Variants in SLC22A25 observed in about 807,000 individuals in gnomAD.
The protein encoded by SLC22A25 is solute carrier family 22 member 25.
In SLC22A25, 44 loss-of-function variants were observed where a neutral mutation model predicts 45.9. That is an observed-to-expected ratio of 0.96 (90% CI 0.75 to 1.23). The LOEUF (loss-of-function observed/expected upper bound fraction) is 1.23. Among genes scored for constraint, SLC22A25 ranks in the 50% most tolerant of loss-of-function variants. The pLI is 0.00. For synonymous variants in SLC22A25, 283 were observed against 238.6 expected (o/e 1.19, Z -1.72); for missense variants, 800 against 666.4 (o/e 1.20, Z -2.21).
intron 7 of SLC22A25, among the ~76,000 whole-genome samples, chr11:63,184,337 G>A (rs1169629864): frequency 6.6e-6 from 1 of 152,056 alleles, no homozygotes; most frequent in African/African-American, 2.4e-5. Context: ...ATGTTATCAT[G>A]TATGATTGTT....
intron 7 of SLC22A25, 114 bp downstream of exon 7, chr11:63,217,200 T>G: frequency 2.5e-6 from 3 of 1,203,902 alleles, no homozygotes; most frequent in Non-Finnish European, 1.1e-6. Context: ...TTAGCACAGA[T>G]TAGGAGAATG....
At position 63,158,760 on chromosome 11, in the gene SLC22A25, A is replaced by G. The variant is rs954010827; in HGVS notation, c.*5064T>C. On this transcript the variant is annotated 3_prime_UTR_variant, in exon 12 of 12. Coordinates refer to ENST00000306494, the MANE Select transcript of SLC22A25 (RefSeq NM_199352.6). Reference sequence around the variant, plus strand: ...ATTCTTTGTGATTACAAACAATCCAATTATACTTTTTTAGTTATTTAAAAA... The same window carrying G: ...ATTCTTTGTGATTACAAACAATCCAGTTATACTTTTTTAGTTATTTAAAAA... Among the ~76,000 whole-genome samples the G allele has an allele frequency of 2.0e-5, 3 of 152,306 alleles. No homozygotes were observed. Among genetic ancestry groups the G allele is most frequent in the East Asian group, 1.9e-4 (1 of 5,190 alleles).
At chr11:63,183,598 G>C in intron 8 of SLC22A25, 96 bp downstream of exon 8, 3 of 1,520,174 alleles carry the variant, frequency 2.0e-6, no homozygotes, top group Non-Finnish European at 2.7e-6. Context: ...AACTCTACCT[G>C]TGTTTCTCTC....
chr11:63,187,375 T>A (rs2088600757), intron 7 of SLC22A25, among the ~76,000 whole-genome samples: 1 of 152,200 alleles, frequency 6.6e-6, no homozygotes, highest in African/African-American at 2.4e-5. Flanking sequence ...AGAATGCTTG[T>A]GATTTTTGTG....
At chr11:63,188,500 C>T (rs1221805804) in intron 7 of SLC22A25, among the ~76,000 whole-genome samples, 1 of 152,178 alleles carries the variant, frequency 6.6e-6, no homozygotes, top group Non-Finnish European at 1.5e-5. Flanking sequence ...AAACCAGCTC[C>T]TGGATTCATT....
rs189098417 is a variant in SLC22A25, at chr11:63,230,894, T to C, written c.-444-798A>G. ...CAATTCCCACCTATGAGTGAGAACATGCGGTGTTTGGTTTTTTGTCCTTGA... is the reference window on the plus strand; with the variant it reads ...CAATTCCCACCTATGAGTGAGAACACGCGGTGTTTGGTTTTTTGTCCTTGA... On this transcript the variant is annotated intron_variant, in intron 3 of 11. Coordinates refer to ENST00000306494, the MANE Select transcript of SLC22A25 (RefSeq NM_199352.6). 3.4e-4 allele frequency among the ~76,000 whole-genome samples: 51 copies of C among 152,196 alleles called. No homozygotes were observed. The East Asian group carries it at 9.5e-3, about 28-fold the overall frequency.
intron 3 of SLC22A25, among the ~76,000 whole-genome samples, chr11:63,235,104 A>G (rs2090141039): frequency 6.6e-6 from 1 of 152,030 alleles, no homozygotes; most frequent in South Asian, 2.1e-4. Flanking sequence ...ACTTTGGTGA[A>G]TCTGATAATT....
intron 3 of SLC22A25, among the ~76,000 whole-genome samples, chr11:63,233,617 T>C (rs1307186262): frequency 6.6e-6 from 1 of 152,208 alleles, no homozygotes; most frequent in Non-Finnish European, 1.5e-5. Flanking sequence ...TTGAAGGGTT[T>C]TTTGTGTCTC....
Position 63,163,783 on chromosome 11 carries a change from A to T in SLC22A25, c.*41T>A. ...GCCCAGATCTAAGCCTTTTTGGGGG[A>T]TGGTAGCCCTAAATGGTGTTTTGCT... On this transcript the variant is annotated 3_prime_UTR_variant, in exon 12 of 12. Transcript: ENST00000306494. 1 of 1,564,540 alleles carries T rather than the reference A, an allele frequency of 6.4e-7. No homozygotes were observed. Among genetic ancestry groups the T allele is most frequent in the Non-Finnish European group, 8.6e-7 (1 of 1,158,194 alleles).
At chr11:63,181,410 A>G (rs966982035) in intron 8 of SLC22A25, among the ~76,000 whole-genome samples, 4 of 104,574 alleles carry the variant, frequency 3.8e-5, no homozygotes, top group African/African-American at 1.4e-4. Flanking sequence ...ACCCCACAAC[A>G]GTCCTGGTGT....
At chr11:63,240,170 A>G (rs1408970178) in intron 1 of SLC22A25, among the ~76,000 whole-genome samples, 2 of 152,176 alleles carry the variant, frequency 1.3e-5, no homozygotes, top group Non-Finnish European at 1.5e-5. Flanking sequence ...GTATCTAAAC[A>G]TAGAAAAGTT....
At position 63,164,518 on chromosome 11, in the gene SLC22A25, T is replaced by G; in HGVS notation, c.1394+8A>C. 1 of 1,611,138 alleles carries G rather than the reference T, an allele frequency of 6.2e-7. No individual in the cohort carries two copies. Among genetic ancestry groups the G allele is most frequent in the African/African-American group, 1.3e-5 (1 of 74,956 alleles). ...TGAGAATGACAGAGCACACATAAACTTTTGTACCTGATTATGGAAGGAATT... is the reference window on the plus strand; with the variant it reads ...TGAGAATGACAGAGCACACATAAACGTTTGTACCTGATTATGGAAGGAATT... On this transcript the variant is annotated splice_region_variant and intron_variant, in intron 11 of 11. Transcript: ENST00000306494.
chr11:63,168,822 C>T (rs936773761), intron 9 of SLC22A25, among the ~76,000 whole-genome samples: 1 of 152,062 alleles, frequency 6.6e-6, no homozygotes, highest in Non-Finnish European at 1.5e-5. Flanking sequence ...GAGAACACCA[C>T]TTAGATACTC....
In SLC22A25 at chr11:63,162,326, C is replaced by T. The variant is rs947640198; in HGVS notation, c.*1498G>A. The stretch of plus-strand genomic sequence containing the variant: ...TTTCCTGTACTTGTGGGGTATTACT[C>T]AAGAAATCTTTGGCCAGTCTAATGT... On this transcript the variant is annotated 3_prime_UTR_variant, in exon 12 of 12. Transcript: ENST00000306494. Among the ~76,000 whole-genome samples, 15 of 152,258 alleles carry T rather than the reference C, an allele frequency of 9.9e-5. No homozygotes were observed. Among genetic ancestry groups the T allele is most frequent in the African/African-American group, 3.6e-4 (15 of 41,540 alleles).
chr11:63,197,828 C>G (rs569287651), intron 7 of SLC22A25, among the ~76,000 whole-genome samples: 27 of 149,974 alleles, frequency 1.8e-4, no homozygotes, highest in African/African-American at 3.8e-4. Flanking sequence ...CTACTCATCT[C>G]ACAAAGGGCT....
chr11:63,180,595 T>C (rs1276541551), intron 9 of SLC22A25, 65 bp downstream of exon 9: 1 of 1,153,864 alleles, frequency 8.7e-7, no homozygotes, highest in Non-Finnish European at 1.2e-6. Flanking sequence ...TTGTATCATT[T>C]GAAATAAGAA....
intron 1 of SLC22A25, among the ~76,000 whole-genome samples, chr11:63,242,687 T>C (rs570323046): frequency 6.6e-5 from 10 of 152,304 alleles, no homozygotes; most frequent in African/African-American, 1.9e-4. Flanking sequence ...CCAGGTACAA[T>C]ACTTTGTGCA....
intron 7 of SLC22A25, among the ~76,000 whole-genome samples, chr11:63,191,119 T>A (rs1239119730): frequency 6.6e-6 from 1 of 152,230 alleles, no homozygotes; most frequent in Non-Finnish European, 1.5e-5. Context: ...TGCTGCCTTT[T>A]GTTTGGCTAT....
In SLC22A25 at chr11:63,228,450, T is replaced by C. The variant is rs369165131; in HGVS notation, c.506+11A>G. On this transcript the variant is annotated intron_variant, in intron 5 of 11. Coordinates refer to ENST00000306494, the MANE Select transcript of SLC22A25 (RefSeq NM_199352.6). ...TACCCTTGAAGAGAGCTATGCTCCA[T>C]AGACACTCACCTGTCTGACAAATGG... 6 of 1,572,966 alleles carry C rather than the reference T, an allele frequency of 3.8e-6. No homozygotes were observed. In the African/African-American group the frequency reaches 5.4e-5, roughly 14 times the overall value.
Sources: allele counts gnomAD v4.1 joint callset (sites outside exome capture counted in the v4.1 genomes callset), GRCh38; gene constraint gnomAD v4.1.1; transcripts MANE v1.5; gene names NCBI Gene and HGNC (gene_info 2026-07-23, HGNC 2026-07-21).